Variants in PTPRN2 observed in about 807,000 individuals in gnomAD.
The protein encoded by PTPRN2 is receptor-type tyrosine-protein phosphatase N2.
PTPRN2 carries 74 observed loss-of-function variants against 118.8 expected under a neutral mutation model. That is an observed-to-expected ratio of 0.62 (90% CI 0.52 to 0.76). The LOEUF (loss-of-function observed/expected upper bound fraction) is 0.76. PTPRN2 is among the 30% of genes least tolerant of loss of function. The pLI is 0.00. For missense variants in PTPRN2, 1,481 were observed against 1,394.4 expected (o/e 1.06, Z -0.99); for synonymous variants, 641 against 608.0 (o/e 1.05, Z -0.80).
At chr7:158,450,731 A>G (rs1050080945) in intron 2 of PTPRN2, among the ~76,000 whole-genome samples, 1 of 152,196 alleles carries the variant, frequency 6.6e-6, no homozygotes, top group African/African-American at 2.4e-5. Context: ...AAATAAAATA[A>G]TCTTCCTCTC....
chr7:158,145,098 G>A lies in PTPRN2; in HGVS notation c.911-6583C>T, dbSNP rs1223678775. ...AGAAGGTTCCAGAATACCACGGCTCGGCAAGGTTTCCCTCACATCATCGCG... is the reference window on the plus strand; with the variant it reads ...AGAAGGTTCCAGAATACCACGGCTCAGCAAGGTTTCCCTCACATCATCGCG... On this transcript the variant is annotated intron_variant, in intron 6 of 22. Coordinates refer to ENST00000389418, the MANE Select transcript of PTPRN2 (RefSeq NM_002847.5). Among the ~76,000 whole-genome samples the A allele has an allele frequency of 2.7e-5, 4 of 149,628 alleles. No individual in the cohort carries two copies. In the South Asian group the frequency reaches 6.4e-4, roughly 24 times the overall value.
rs773051370 is a variant in PTPRN2 at position 158,326,658 on chromosome 7, ACT to A, written c.164-9728_164-9727del. ...TGCACACGTTTTCACACATGCTCAC[ACT>A]CTCACATGCACACACATGCACAGTC... On this transcript the variant is annotated intron_variant, in intron 2 of 22. Coordinates refer to ENST00000389418, the MANE Select transcript of PTPRN2 (RefSeq NM_002847.5). Among the ~76,000 whole-genome samples, 60 of 139,558 alleles carry A rather than the reference ACT, an allele frequency of 4.3e-4. 1 individual carries two copies. In the South Asian group the frequency reaches 6.7e-3, roughly 16 times the overall value. 91.6% of individuals were successfully genotyped at this position (139,558 alleles called of 152,430 possible). A position where few individuals can be genotyped will look rare whatever the true frequency, so the allele number is the denominator to read the frequency against.
Position 158,529,758 on chromosome 7 carries a change from C to T in PTPRN2, c.113-39973G>A, listed in dbSNP as rs1017218725. On this transcript the variant is annotated intron_variant, in intron 1 of 22. Coordinates refer to ENST00000389418, the MANE Select transcript of PTPRN2 (RefSeq NM_002847.5). This position sits in a 1 kb window ranked among gnomAD's most constrained non-coding sequence, Gnocchi z 4.7. ...GTCACCAGAAGGGGCCAGGCGGGAGCAGGACCAGCTCACAGTCTCCCCAGG... is the reference window on the plus strand; with the variant it reads ...GTCACCAGAAGGGGCCAGGCGGGAGTAGGACCAGCTCACAGTCTCCCCAGG... Among the ~76,000 whole-genome samples the T allele has an allele frequency of 6.6e-6, 1 of 152,174 alleles. No individual in the cohort carries two copies. Among genetic ancestry groups the T allele is most frequent in the African/African-American group, 2.4e-5 (1 of 41,428 alleles).
Position 157,831,673 on chromosome 7 carries a change from C to T in PTPRN2, c.1788+67000G>A, listed in dbSNP as rs1585577112. Among the ~76,000 whole-genome samples the T allele has an allele frequency of 1.3e-5, 2 of 152,186 alleles. No homozygotes were observed. Among genetic ancestry groups the T allele is most frequent in the African/African-American group, 2.4e-5 (1 of 41,454 alleles). On this transcript the variant is annotated intron_variant, in intron 12 of 22. Coordinates refer to ENST00000389418, the MANE Select transcript of PTPRN2 (RefSeq NM_002847.5). This position sits in a 1 kb window ranked among gnomAD's most constrained non-coding sequence, Gnocchi z 4.8. Reference sequence around the variant, plus strand: ...ATTGGGAGTCTACACAGGTGTTCTGCACTGAGCTCCCCTCTACTTCGGGCC... The same window carrying T: ...ATTGGGAGTCTACACAGGTGTTCTGTACTGAGCTCCCCTCTACTTCGGGCC...
intron 12 of PTPRN2, among the ~76,000 whole-genome samples, chr7:157,841,183 G>A (rs1320113708): frequency 6.6e-6 from 1 of 152,260 alleles, no homozygotes; most frequent in Non-Finnish European, 1.5e-5. Flanking sequence ...CACGATGGCA[G>A]CAAGGGCAGC....
At chr7:158,216,283 AAAGG>A (rs1265753113) in intron 3 of PTPRN2, among the ~76,000 whole-genome samples, 1 of 152,150 alleles carries the variant, frequency 6.6e-6, no homozygotes, top group Non-Finnish European at 1.5e-5. Flanking sequence ...AAAGTAACTC[AAAGG>A]AAGGGAGGAA....
chr7:157,832,247 CA>C (rs1315813023), intron 12 of PTPRN2, among the ~76,000 whole-genome samples: 2 of 152,142 alleles, frequency 1.3e-5, no homozygotes, highest in Non-Finnish European at 2.9e-5. Context: ...GTTTCATAAA[CA>C]GGAGGATTAT....
At chr7:158,451,121 G>T (rs985687409) in intron 2 of PTPRN2, among the ~76,000 whole-genome samples, 1 of 152,184 alleles carries the variant, frequency 6.6e-6, no homozygotes, top group Non-Finnish European at 1.5e-5. Flanking sequence ...ACCATTTTAC[G>T]TATTTCTCAG....
At chr7:158,532,004 C>A (rs1380436638) in intron 1 of PTPRN2, among the ~76,000 whole-genome samples, 1 of 152,220 alleles carries the variant, frequency 6.6e-6, no homozygotes, top group East Asian at 1.9e-4. Context: ...TGGGTCCTTC[C>A]CTCTGAAGGG....
intron 10 of PTPRN2, among the ~76,000 whole-genome samples, chr7:158,107,600 T>G: frequency 6.6e-6 from 1 of 152,142 alleles, no homozygotes; most frequent in East Asian, 1.9e-4. Context: ...ACTTGCCTGT[T>G]TCCATGGGCA....
chr7:158,209,822 A>G (rs1044395177), intron 3 of PTPRN2, among the ~76,000 whole-genome samples: 1 of 152,256 alleles, frequency 6.6e-6, no homozygotes, highest in Non-Finnish European at 1.5e-5. Flanking sequence ...TAAAAATTCA[A>G]AAACAAACTG....
chr7:158,115,326 G>T (rs980519847), intron 9 of PTPRN2, among the ~76,000 whole-genome samples: 19 of 152,148 alleles, frequency 1.2e-4, no homozygotes, highest in Admixed American at 7.9e-4. Flanking sequence ...TGGTAATGGT[G>T]ACTGAAGTGG....
chr7:158,343,005 C>T (rs987617324), intron 2 of PTPRN2, among the ~76,000 whole-genome samples: 9 of 152,132 alleles, frequency 5.9e-5, no homozygotes, highest in Non-Finnish European at 1.0e-4. Flanking sequence ...GCTGAGATTG[C>T]GCCATTGCAC....
intron 11 of PTPRN2, among the ~76,000 whole-genome samples, chr7:157,943,522 T>C (rs1360109052): frequency 1.3e-5 from 2 of 151,700 alleles, no homozygotes; most frequent in Non-Finnish European, 2.9e-5. Flanking sequence ...CTCCTGGACC[T>C]GTTGGTTCCG....
intron 12 of PTPRN2, among the ~76,000 whole-genome samples, chr7:157,721,071 G>C (rs1563037088): frequency 6.6e-6 from 1 of 152,160 alleles, no homozygotes; most frequent in African/African-American, 2.4e-5. Context: ...ATGCAGCCGT[G>C]GTGTGTGTGC....
intron 16 of PTPRN2, among the ~76,000 whole-genome samples, chr7:157,602,380 C>T (rs1041158838): frequency 6.6e-6 from 1 of 151,402 alleles, no homozygotes; most frequent in Non-Finnish European, 1.5e-5. Context: ...GCTGAGCACC[C>T]TCCACCATCA....
At chr7:157,751,102 G>A (rs375383013) in intron 12 of PTPRN2, among the ~76,000 whole-genome samples, 28 of 152,234 alleles carry the variant, frequency 1.8e-4, no homozygotes, top group East Asian at 3.8e-4. Context: ...CTGTGGGGCC[G>A]AGGAGGCTCC....
At chr7:158,164,677 A>G (rs1438240928) in intron 6 of PTPRN2, among the ~76,000 whole-genome samples, 1 of 152,144 alleles carries the variant, frequency 6.6e-6, no homozygotes, top group Non-Finnish European at 1.5e-5. Flanking sequence ...TCTGTTCCCA[A>G]TAATGAGGAC....
chr7:157,760,006 CA>C (rs1802034479), intron 12 of PTPRN2, among the ~76,000 whole-genome samples: 1 of 152,216 alleles, frequency 6.6e-6, no homozygotes, highest in African/African-American at 2.4e-5. Context: ...CCCTACCTGT[CA>C]GGGGGACCCA....
Sources: gnomAD v4.1 joint callset for allele counts (sites outside exome capture counted in the v4.1 genomes callset) on GRCh38, gnomAD v4.1.1 for gene constraint, Gnocchi (gnomAD v3.1) non-coding constraint, MANE v1.5 for transcripts, NCBI Gene and HGNC (gene_info 2026-07-23, HGNC 2026-07-21) for gene names.